The following FBXW10 variants were observed in gnomAD, a reference collection of about 807,000 sequenced individuals.
The protein encoded by FBXW10 is F-box and WD repeat domain containing 10, also known as F-box/WD repeat-containing protein 10.
In FBXW10, 68 loss-of-function variants were observed where a neutral mutation model predicts 113.1. The observed-to-expected ratio is 0.60, with a 90% CI of 0.49 to 0.74. The LOEUF is 0.74. FBXW10 is among the 30% of genes least tolerant of loss of function. FBXW10 has a pLI of 0.00. For synonymous variants in FBXW10, 289 were observed against 481.6 expected, an observed-to-expected ratio of 0.60 and a Z score of 5.24; for missense variants, 753 against 1,284.5, an observed-to-expected ratio of 0.59 and a Z score of 6.32.
Position 18,772,651 on chromosome 17 carries a change from G to A in FBXW10, c.2246G>A (p.Arg749Gln), listed in dbSNP as rs376804860. 18 of 1,612,812 alleles carry A rather than the reference G, an allele frequency of 1.1e-5. No homozygotes were observed. The highest frequency in any genetic ancestry group is 3.3e-4 in the Middle Eastern group (2 of 6,066). The part of the protein sequence containing the change: ...ELLPGKPPKS[R>Q]VLLKPAKFSS... ...CTACCAGGCAAACCTCCCAAGTCCC[G>A]AGTACTCCTGAAGCCGGCCAAGTTC... Residue 749 changes from arginine (R) to glutamine (Q), a missense_variant, in exon 12 of 14, where the codon CGA becomes CAA. By Grantham distance (43) the Arg-to-Gln change is conservative (BLOSUM62 1). Transcript: ENST00000395665.
intron 13 of FBXW10, among the ~76,000 whole-genome samples, chr17:18,777,938 TA>T (rs1424773408): frequency 2.6e-5 from 4 of 151,986 alleles, no homozygotes; most frequent in Non-Finnish European, 5.9e-5. Flanking sequence ...CTTTACTCAA[TA>T]CTAGCATTTT....
intron 7 of FBXW10, among the ~76,000 whole-genome samples, chr17:18,760,779 C>CAA (rs71155352): frequency 6.8e-4 from 93 of 135,896 alleles, no homozygotes; most frequent in South Asian, 2.5e-3. Flanking sequence ...AACTCGGTCT[C>CAA]AAAAAAAAAA....
In FBXW10 at chr17:18,778,847, G is replaced by C; in HGVS notation, c.2708G>C (p.Arg903Thr). 1 of 1,613,954 alleles carries C rather than the reference G, an allele frequency of 6.2e-7. No homozygotes were observed. The change falls in exon 14 of 14, where the codon AGA (arginine) becomes ACA (threonine). Residue 903 changes from arginine (R) to threonine (T), a missense_variant. Transcript: ENST00000395665. ...TTGAAGATCTCTTTGCACAGTCCTA[G>C]AGTCCAGTCCACCATACCCCAGCCC... ...PNLKISLHSP[R>T]VQSTIPQPMI...
intron 6 of FBXW10, 105 bp downstream of exon 6, chr17:18,756,259 T>C: frequency 1.0e-6 from 1 of 989,964 alleles, no homozygotes; most frequent in Non-Finnish European, 1.5e-6. Context: ...CAAGCTCTCC[T>C]CACCTCAAGC....
intron 7 of FBXW10, among the ~76,000 whole-genome samples, chr17:18,762,745 T>C (rs555837138): frequency 2.0e-5 from 3 of 152,108 alleles, no homozygotes; most frequent in Admixed American, 6.6e-5. Flanking sequence ...CTTCATCTTG[T>C]TCCCCTTCTG....
chr17:18,772,690 A>C lies in FBXW10; in HGVS notation c.2278+7A>C. 6.2e-7 allele frequency: 1 copy of C among 1,605,308 alleles called. No individual in the cohort carries two copies. The highest frequency in any genetic ancestry group is 8.5e-7 in the Non-Finnish European group (1 of 1,176,930). ...CCGGCCAAGTTCTCTTCAGGTAAAA[A>C]ACTGAAATACCAGCAAGTTCAGTGA... On this transcript the variant is annotated splice_region_variant and intron_variant, in intron 12 of 13. Transcript: ENST00000395665.
chr17:18,775,162 C>T lies in FBXW10; in HGVS notation c.2305C>T (p.Gln769Ter), dbSNP rs2035679266. ...SAVLIEELQSQGKSKSPRRDA... is the reference protein window; with the variant it reads ...SAVLIEELQS The stretch of plus-strand genomic sequence containing the variant: ...AGTGTTAATAGAGGAACTTCAAAGT[C>T]AAGGAAAGTCAAAATCACCCCGAAG... Residue 769 changes from glutamine to a stop codon, truncating the protein, a stop_gained, in exon 13 of 14, where the codon CAA becomes TAA. Coordinates refer to ENST00000395665, the MANE Select transcript of FBXW10 (RefSeq NM_001267585.2). LOFTEE classifies it high-confidence loss of function. 1.2e-6 allele frequency: 2 copies of T among 1,610,854 alleles called. No homozygotes were observed. The highest frequency in any genetic ancestry group is 1.7e-6 in the Non-Finnish European group (2 of 1,177,230).
At position 18,774,407 on chromosome 17, in the gene FBXW10, G is replaced by A. The variant is rs748544745; in HGVS notation, c.2279-729G>A. On this transcript the variant is annotated intron_variant, in intron 12 of 13. Coordinates refer to ENST00000395665, the MANE Select transcript of FBXW10 (RefSeq NM_001267585.2). ...TCCAGGTAACTACTTGGTTTCATAC[G>A]ACAATAAACAATATGGTGTTTGGTA... Among the ~76,000 whole-genome samples, 13 of 152,268 alleles carry A rather than the reference G, an allele frequency of 8.5e-5. No homozygotes were observed. The East Asian group carries it at 9.6e-4, about 11-fold the overall frequency.
At position 18,772,561 on chromosome 17, in the gene FBXW10, GTAA is replaced by G. The variant is rs1470021045; in HGVS notation, c.2159_2161del (p.Asn720del). 1.9e-6 allele frequency: 3 copies of G among 1,614,052 alleles called. No individual in the cohort carries two copies. In the Admixed American group the frequency reaches 5.0e-5, roughly 27 times the overall value. ...AGTCTCATGGAAATTCTCTCTAAGTGTAATATTCAGGTTCACAGCCCAAGAGAG... is the reference window on the plus strand; with the variant it reads ...AGTCTCATGGAAATTCTCTCTAAGTGTATTCAGGTTCACAGCCCAAGAGAG... On this transcript the variant is annotated inframe_deletion, in exon 12 of 14. Coordinates refer to ENST00000395665, the MANE Select transcript of FBXW10 (RefSeq NM_001267585.2).
intron 7 of FBXW10, among the ~76,000 whole-genome samples, chr17:18,759,619 G>GTT (rs71155351): frequency 5.5e-4 from 78 of 142,012 alleles, no homozygotes; most frequent in South Asian, 2.0e-3. Flanking sequence ...CTAGTTTTTT[G>GTT]TTTTTTTTTT....
rs1225989136 is a variant in FBXW10 at position 18,744,097 on chromosome 17, A to G, written c.-148A>G. The G allele has an allele frequency of 1.2e-5, 15 of 1,224,102 alleles. No individual in the cohort carries two copies. The highest frequency in any genetic ancestry group is 1.7e-5 in the Non-Finnish European group (15 of 882,324). 75.8% of individuals were successfully genotyped at this position (1,224,102 alleles called of 1,614,324 possible). A position where few individuals can be genotyped will look rare whatever the true frequency, so the allele number is the denominator to read the frequency against. ...ACTGAGAGAGATAGGCTTTCCATCC[A>G]TGGCAGCCATTTACTTTTGCTCTGG... On this transcript the variant is annotated 5_prime_UTR_variant, in exon 1 of 14. It removes an upstream start codon present in the reference 5' UTR. Coordinates refer to ENST00000395665, the MANE Select transcript of FBXW10 (RefSeq NM_001267585.2).
chr17:18,751,631 G>A (rs929839356), intron 5 of FBXW10, among the ~76,000 whole-genome samples: 7 of 152,178 alleles, frequency 4.6e-5, no homozygotes, highest in Admixed American at 2.6e-4. Context: ...GCCCCTGGCC[G>A]TGTTTTGTGT....
chr17:18,747,520 C>T (rs947089010), intron 1 of FBXW10, among the ~76,000 whole-genome samples: 39 of 152,104 alleles, frequency 2.6e-4, no homozygotes, highest in African/African-American at 9.2e-4. Flanking sequence ...CGAGCCATTG[C>T]ACTCCACCCT....
chr17:18,758,558 G>C (rs1255649422), intron 7 of FBXW10, 53 bp downstream of exon 7: 50 of 1,607,686 alleles, frequency 3.1e-5, no homozygotes, highest in Non-Finnish European at 4.2e-5. Context: ...CCTAGAGGCA[G>C]CTCATGGAAG....
intron 5 of FBXW10, among the ~76,000 whole-genome samples, chr17:18,755,667 G>T (rs187337412): frequency 6.6e-6 from 1 of 152,212 alleles, no homozygotes; most frequent in East Asian, 1.9e-4. Flanking sequence ...TACATATGAC[G>T]TTCCGACTTC....
rs548550978 is a variant in FBXW10 at position 18,777,786 on chromosome 17, A to G, written c.2336-689A>G. On this transcript the variant is annotated intron_variant, in intron 13 of 13. Coordinates refer to ENST00000395665, the MANE Select transcript of FBXW10 (RefSeq NM_001267585.2). ...TCTGGATCTCCTGACCTCGTGATCC[A>G]CCCTCCTGGGTCTCCCAAAGTGTGG... Among the ~76,000 whole-genome samples the G allele has an allele frequency of 8.5e-4, 128 of 150,638 alleles. 1 individual carries two copies. The highest frequency in any genetic ancestry group is 1.6e-3 in the Non-Finnish European group (105 of 67,602).
At chr17:18,763,391 C>T (rs531127448) in intron 7 of FBXW10, among the ~76,000 whole-genome samples, 29 of 151,938 alleles carry the variant, frequency 1.9e-4, no homozygotes, top group Admixed American at 5.2e-4. Context: ...CTCCTGACCT[C>T]GTGATCTGCT....
chr17:18,776,414 T>C (rs1383680599), intron 13 of FBXW10, among the ~76,000 whole-genome samples: 1 of 152,238 alleles, frequency 6.6e-6, no homozygotes, highest in African/African-American at 2.4e-5. Flanking sequence ...AAAATGTCTT[T>C]CAAATATTTT....
chr17:18,758,890 AG>A lies in FBXW10; in HGVS notation c.1433+387del, dbSNP rs199659416. 1.7e-3 allele frequency among the ~76,000 whole-genome samples: 266 copies of A among 152,144 alleles called. 2 individuals carry two copies. The East Asian group carries it at 0.048, about 28-fold the overall frequency. ...GTGCTTTAAAAACACATACGTGGCC[AG>A]GCGCGGTGGCTCACGCCTGTAATCC... is the stretch of plus-strand genomic sequence containing the variant. On this transcript the variant is annotated intron_variant, in intron 7 of 13. Transcript: ENST00000395665.
Sources: gnomAD v4.1 joint callset for allele counts (sites outside exome capture counted in the v4.1 genomes callset) on GRCh38, gnomAD v4.1.1 for gene constraint, MANE v1.5 for transcripts, NCBI Gene and HGNC (gene_info 2026-07-23, HGNC 2026-07-21) for gene names.